Variants in DIP2C observed in about 807,000 individuals in gnomAD.
DIP2C encodes DIP2 acetate--CoA ligase C (putative).
DIP2C carries 33 observed loss-of-function variants against 192.4 expected under a neutral mutation model. The observed-to-expected ratio is 0.17, with a 90% CI of 0.13 to 0.23. The LOEUF is 0.23. Among genes scored for constraint, DIP2C ranks in the 10% least tolerant of loss-of-function variants. The pLI is 1.00. For synonymous variants in DIP2C, 979 were observed against 864.1 expected, an observed-to-expected ratio of 1.13 and a Z score of -2.33; for missense variants, 1,537 against 2,110.1, an observed-to-expected ratio of 0.73 and a Z score of 5.32.
chr10:569,637 C>T (rs1474557673), intron 1 of DIP2C, among the ~76,000 whole-genome samples: 1 of 152,268 alleles, frequency 6.6e-6, no homozygotes, highest in East Asian at 1.9e-4. Flanking sequence ...AATACCACTA[C>T]ACCATCACTC....
intron 32 of DIP2C, among the ~76,000 whole-genome samples, chr10:300,853 G>C (rs1956006904): frequency 6.6e-6 from 1 of 152,198 alleles, no homozygotes; most frequent in African/African-American, 2.4e-5. Context: ...GCGGCCCTGA[G>C]CGTGTGGAGA....
At chr10:355,987 C>G (rs542750839) in intron 24 of DIP2C, among the ~76,000 whole-genome samples, 1 of 152,088 alleles carries the variant, frequency 6.6e-6, no homozygotes. Context: ...GGCTGATGCA[C>G]GAGAATTGCT....
rs1419026102 is a variant in DIP2C, at chr10:347,501, G to A, written c.3231+1140C>T. On this transcript the variant is annotated intron_variant, in intron 26 of 36. Coordinates refer to ENST00000280886, the MANE Select transcript of DIP2C (RefSeq NM_014974.3). Reference sequence around the variant, plus strand: ...CCCCACACTCACCCGGACACATTGCGCATAGTTCTCCCGGAAACCCCACAC... The same window carrying A: ...CCCCACACTCACCCGGACACATTGCACATAGTTCTCCCGGAAACCCCACAC... Among the ~76,000 whole-genome samples, 12 of 94,758 alleles carry A rather than the reference G, an allele frequency of 1.3e-4. 3 individuals are homozygous for A. Among genetic ancestry groups the A allele is most frequent in the Non-Finnish European group, 1.8e-4 (9 of 49,392 alleles). 62.2% of individuals were successfully genotyped at this position (94,758 alleles called of 152,430 possible). A position where few individuals can be genotyped will look rare whatever the true frequency, so the allele number is the denominator to read the frequency against.
At position 572,691 on chromosome 10, in the gene DIP2C, C is replaced by CA. The variant is rs77078972; in HGVS notation, c.86-86162dup. On this transcript the variant is annotated intron_variant, in intron 1 of 36. Transcript: ENST00000280886. ...AAGGACAAAACTTCTCCATAATAGA[C>CA]AAAAAAAAGTTTTTTAAAATGACTT... Among the ~76,000 whole-genome samples, 22 of 152,014 alleles carry CA rather than the reference C, an allele frequency of 1.4e-4. No homozygotes were observed. The East Asian group carries it at 3.3e-3, about 23-fold the overall frequency.
At chr10:285,898 T>C (rs563076890) in intron 34 of DIP2C, among the ~76,000 whole-genome samples, 1 of 152,362 alleles carries the variant, frequency 6.6e-6, no homozygotes, top group South Asian at 2.1e-4. Flanking sequence ...TGTACACTAC[T>C]TCCTGTGGAG....
intron 1 of DIP2C, among the ~76,000 whole-genome samples, chr10:549,034 A>C (rs1182663016): frequency 6.6e-6 from 1 of 151,908 alleles, no homozygotes; most frequent in Non-Finnish European, 1.5e-5. Context: ...GGAAAAAGCC[A>C]AGTAGATTCT....
At chr10:507,063 GGT>G (rs1044270602) in intron 1 of DIP2C, among the ~76,000 whole-genome samples, 1 of 152,042 alleles carries the variant, frequency 6.6e-6, no homozygotes, top group African/African-American at 2.4e-5. Flanking sequence ...CACGATAAGA[GGT>G]GTGAGGTCAC....
chr10:578,171 A>C (rs973307716), intron 1 of DIP2C, among the ~76,000 whole-genome samples: 3 of 152,198 alleles, frequency 2.0e-5, no homozygotes, highest in African/African-American at 7.2e-5. Flanking sequence ...TCATCCTTCC[A>C]AACAGTACCT....
intron 31 of DIP2C, among the ~76,000 whole-genome samples, chr10:317,226 G>A (rs1271064986): frequency 6.6e-6 from 1 of 152,220 alleles, no homozygotes; most frequent in African/African-American, 2.4e-5. Flanking sequence ...GGTGGGGTGG[G>A]GGCCACAGAC....
intron 31 of DIP2C, among the ~76,000 whole-genome samples, chr10:312,277 G>A (rs1956599635): frequency 6.6e-6 from 1 of 152,178 alleles, no homozygotes; most frequent in Admixed American, 6.5e-5. Flanking sequence ...ATCTACCCCA[G>A]CTGCTGGACA....
chr10:314,211 A>T (rs1303653004), intron 31 of DIP2C, among the ~76,000 whole-genome samples: 1 of 152,238 alleles, frequency 6.6e-6, no homozygotes, highest in Non-Finnish European at 1.5e-5. Flanking sequence ...GGCTTAGAGA[A>T]GCCTTAATGA....
At chr10:459,543 T>C (rs1316435016) in intron 3 of DIP2C, among the ~76,000 whole-genome samples, 1 of 152,116 alleles carries the variant, frequency 6.6e-6, no homozygotes, top group Non-Finnish European at 1.5e-5. Context: ...TGCACATGGG[T>C]TCTAGTATCT....
At chr10:352,813 C>A (rs557232928) in intron 24 of DIP2C, among the ~76,000 whole-genome samples, 1 of 152,290 alleles carries the variant, frequency 6.6e-6, no homozygotes, top group East Asian at 1.9e-4. Flanking sequence ...GAACGGGACA[C>A]AGCTACACCA....
chr10:459,830 C>T (rs1413124643), intron 3 of DIP2C, among the ~76,000 whole-genome samples: 2 of 147,958 alleles, frequency 1.4e-5, no homozygotes, highest in Non-Finnish European at 1.5e-5. Context: ...CAGGGAACTG[C>T]GTGCTGCACG....
chr10:476,991 C>T (rs2133471948), intron 2 of DIP2C, among the ~76,000 whole-genome samples: 1 of 138,150 alleles, frequency 7.2e-6, no homozygotes, highest in South Asian at 2.7e-4. Context: ...CTCAGGGCTC[C>T]CACAGAGGGC....
intron 1 of DIP2C, among the ~76,000 whole-genome samples, chr10:505,012 G>A (rs1033530879): frequency 1.3e-5 from 2 of 152,100 alleles, no homozygotes. Context: ...AAACCGCCGT[G>A]AACCCGCGGG....
At chr10:287,893 T>C (rs772705208) in intron 33 of DIP2C, among the ~76,000 whole-genome samples, 8 of 152,210 alleles carry the variant, frequency 5.3e-5, no homozygotes, top group Admixed American at 1.3e-4. Context: ...ATCTCAATAG[T>C]TCCCAACCTT....
chr10:620,919 C>A (rs757949044), intron 1 of DIP2C, among the ~76,000 whole-genome samples: 1 of 152,210 alleles, frequency 6.6e-6, no homozygotes, highest in Non-Finnish European at 1.5e-5. Flanking sequence ...GAGTATCTAA[C>A]GGCTTAACCA....
intron 1 of DIP2C, among the ~76,000 whole-genome samples, chr10:615,648 G>T (rs774230453): frequency 2.0e-5 from 3 of 151,792 alleles, no homozygotes; most frequent in Non-Finnish European, 4.4e-5. Context: ...ACACACACAG[G>T]GTTTGCTTAG....
Sources: gnomAD v4.1 joint callset for allele counts (sites outside exome capture counted in the v4.1 genomes callset) on GRCh38, gnomAD v4.1.1 for gene constraint, MANE v1.5 for transcripts, NCBI Gene and HGNC (gene_info 2026-07-23, HGNC 2026-07-21) for gene names.